Variants in CRIM1 observed in about 807,000 individuals in gnomAD.
The protein encoded by CRIM1 is cysteine-rich motor neuron 1 protein.
Under a neutral mutation model 116.4 loss-of-function variants are expected in CRIM1, and 32 were observed. The observed-to-expected ratio is 0.27, with a 90% CI of 0.21 to 0.37. CRIM1 has a LOEUF of 0.37. Ranked by LOEUF, CRIM1 falls within the 10% of genes least tolerant of loss-of-function variation. The pLI, the probability that CRIM1 is intolerant of heterozygous loss-of-function variation, is 1.00. For synonymous variants in CRIM1, 590 were observed against 509.2 expected (o/e 1.16, Z -2.13); for missense variants, 1,331 against 1,354.8 (o/e 0.98, Z 0.28).
At chr2:36,378,448 A>C in intron 1 of CRIM1, 2 of 469,976 alleles carry the variant, frequency 4.3e-6, no homozygotes. Context: ...ATGCAACAGT[A>C]GGGAAAGGAG....
At chr2:36,546,769 T>A (rs1667369126) in intron 15 of CRIM1, among the ~76,000 whole-genome samples, 1 of 144,030 alleles carries the variant, frequency 6.9e-6, no homozygotes, top group South Asian at 2.2e-4. Context: ...TCTGATTTTT[T>A]TTTTTTTTTT....
At chr2:36,536,888 G>C (rs752946032) in intron 13 of CRIM1, among the ~76,000 whole-genome samples, 3 of 152,052 alleles carry the variant, frequency 2.0e-5, no homozygotes, top group Non-Finnish European at 4.4e-5. Flanking sequence ...AGCATCCCTG[G>C]AAAATGAAGG....
chr2:36,412,338 TG>T (rs1305414995), intron 2 of CRIM1, among the ~76,000 whole-genome samples: 1 of 152,166 alleles, frequency 6.6e-6, no homozygotes, highest in Non-Finnish European at 1.5e-5. Flanking sequence ...CGACATAGAA[TG>T]GAAGTCACCA....
At chr2:36,467,178 C>T (rs570100522) in intron 5 of CRIM1, among the ~76,000 whole-genome samples, 2 of 152,326 alleles carry the variant, frequency 1.3e-5, no homozygotes, top group African/African-American at 4.8e-5. Context: ...CTGGTCGTTG[C>T]TTCTTTCTTG....
At chr2:36,529,318 G>A in intron 13 of CRIM1, 1 of 375,650 alleles carries the variant, frequency 2.7e-6, no homozygotes, top group South Asian at 2.1e-5. Context: ...GCAGAAACTG[G>A]CCAATCTGGA....
At chr2:36,378,288 A>G in intron 1 of CRIM1, 5 of 470,950 alleles carry the variant, frequency 1.1e-5, no homozygotes, top group South Asian at 7.7e-5. Context: ...CACATTGAAG[A>G]TGCTTGTGAG....
At chr2:36,462,285 A>G (rs1024517699) in intron 4 of CRIM1, among the ~76,000 whole-genome samples, 12 of 152,370 alleles carry the variant, frequency 7.9e-5, no homozygotes, top group African/African-American at 2.9e-4. Flanking sequence ...CAGGTACACT[A>G]AAAGCTCACA....
At chr2:36,477,243 T>C (rs1164414793) in intron 6 of CRIM1, among the ~76,000 whole-genome samples, 172 bp downstream of exon 6, 3 of 152,066 alleles carry the variant, frequency 2.0e-5, no homozygotes, top group Non-Finnish European at 4.4e-5. Flanking sequence ...CCAGGTAGAG[T>C]GTGTGGAAAC....
At chr2:36,541,634 A>G (rs1432669285) in intron 14 of CRIM1, among the ~76,000 whole-genome samples, 1 of 152,210 alleles carries the variant, frequency 6.6e-6, no homozygotes, top group African/African-American at 2.4e-5. Flanking sequence ...AGATGACCAG[A>G]TGCCTCTGAA....
rs547014130 is a variant in CRIM1 at position 36,381,468 on chromosome 2, T to C, written c.332-15146T>C. ...AGCAGTTGGGGTGAGGAGGAAAGGATGTGAGGGGAAGGAGGAGGAGCAGGC... is the reference window on the plus strand; with the variant it reads ...AGCAGTTGGGGTGAGGAGGAAAGGACGTGAGGGGAAGGAGGAGGAGCAGGC... On this transcript the variant is annotated intron_variant, in intron 1 of 16. Transcript: ENST00000280527. 8.1e-4 allele frequency among the ~76,000 whole-genome samples: 123 copies of C among 152,034 alleles called. No individual in the cohort carries two copies. In the South Asian group the frequency reaches 8.5e-3, roughly 11 times the overall value.
intron 13 of CRIM1, among the ~76,000 whole-genome samples, chr2:36,536,410 G>A (rs1477450288): frequency 6.6e-6 from 1 of 152,168 alleles, no homozygotes. Context: ...GGCGCTGCTT[G>A]TAGAATCTGA....
chr2:36,393,475 G>C (rs887722976), intron 1 of CRIM1, among the ~76,000 whole-genome samples: 3 of 151,858 alleles, frequency 2.0e-5, no homozygotes, highest in Admixed American at 2.0e-4. Flanking sequence ...ACATATATGT[G>C]TGTCTATATA....
intron 4 of CRIM1, among the ~76,000 whole-genome samples, chr2:36,447,247 T>C (rs968193258): frequency 6.6e-6 from 1 of 152,220 alleles, no homozygotes; most frequent in African/African-American, 2.4e-5. Context: ...TAATTTTTTT[T>C]TTATTGAAAA....
intron 11 of CRIM1, 123 bp downstream of exon 11, chr2:36,513,888 G>C: frequency 1.2e-6 from 1 of 808,116 alleles, no homozygotes; most frequent in South Asian, 1.7e-5. Context: ...TTTCAGCACT[G>C]TGTGGTTTTT....
At chr2:36,410,546 T>C (rs1313524322) in intron 2 of CRIM1, among the ~76,000 whole-genome samples, 2 of 148,472 alleles carry the variant, frequency 1.3e-5, no homozygotes, top group Non-Finnish European at 3.0e-5. Flanking sequence ...AGAAAGTGGA[T>C]TTTTTTTTTC....
At chr2:36,433,772 T>C (rs555383753) in intron 2 of CRIM1, among the ~76,000 whole-genome samples, 136 of 152,326 alleles carry the variant, frequency 8.9e-4, no homozygotes, top group Middle Eastern at 3.4e-3. Context: ...ATCACTTTTT[T>C]CCCTTTATAT....
chr2:36,463,391 T>C (rs1677733714), intron 4 of CRIM1, among the ~76,000 whole-genome samples: 1 of 152,220 alleles, frequency 6.6e-6, no homozygotes, highest in South Asian at 2.1e-4. Context: ...AATGTATTGA[T>C]AGTTTTCCCT....
rs1668783230 is a variant in CRIM1 at position 36,356,245 on chromosome 2, C to T, written c.-48C>T. Reference sequence around the variant, plus strand: ...GCCCCGCGCAGGGGAGGGCGCCCGCCCCGCTCCCGGCCCGGCTGCGAGGAG... The same window carrying T: ...GCCCCGCGCAGGGGAGGGCGCCCGCTCCGCTCCCGGCCCGGCTGCGAGGAG... On this transcript the variant is annotated 5_prime_UTR_variant, in exon 1 of 17. Coordinates refer to ENST00000280527, the MANE Select transcript of CRIM1 (RefSeq NM_016441.3). This position sits in a 1 kb window ranked among gnomAD's most constrained non-coding sequence, Gnocchi z 4.3. 4 of 1,181,076 alleles carry T rather than the reference C, an allele frequency of 3.4e-6. No individual in the cohort carries two copies. The highest frequency in any genetic ancestry group is 4.5e-6 in the Non-Finnish European group (4 of 897,074). 73.2% of individuals were successfully genotyped at this position (1,181,076 alleles called of 1,614,324 possible).
chr2:36,446,445 C>A (rs190183929), intron 4 of CRIM1, among the ~76,000 whole-genome samples: 1 of 152,250 alleles, frequency 6.6e-6, no homozygotes, highest in Non-Finnish European at 1.5e-5. Flanking sequence ...TTCTATCCCT[C>A]ACAAATACTG....
Sources: allele counts gnomAD v4.1 joint callset (sites outside exome capture counted in the v4.1 genomes callset), GRCh38; gene constraint gnomAD v4.1.1; non-coding constraint Gnocchi (gnomAD v3.1); transcripts MANE v1.5; gene names NCBI Gene and HGNC (gene_info 2026-07-23, HGNC 2026-07-21).